LRRC37A2: variants seen among roughly 807,000 people sequenced by gnomAD.
LRRC37A2 encodes leucine-rich repeat-containing protein 37A2.
In LRRC37A2, 9 loss-of-function variants were observed where a neutral mutation model predicts 68.8. The ratio of observed to expected loss-of-function variants is 0.13; its 90% CI spans 0.08 to 0.23. The LOEUF is 0.23. Ranked by LOEUF, LRRC37A2 falls within the 10% of genes least tolerant of loss-of-function variation. The pLI is 1.00. For synonymous variants in LRRC37A2, 63 were observed against 367.6 expected (o/e 0.17, Z 9.48); for missense variants, 168 against 950.4 (o/e 0.18, Z 10.82).
chr17:46,851,740 C>G, the LRRC37A2 span: 1 of 1,231,232 alleles, frequency 8.1e-7, no homozygotes. This position sits in a 1 kb window ranked among gnomAD's most constrained non-coding sequence, Gnocchi z 4.3. Flanking sequence ...CGCCCCCCGC[C>G]CGCTCCCCGG....
chr17:46,568,939 T>TC, the LRRC37A2 span, among the ~76,000 whole-genome samples: 5 of 122,886 alleles, frequency 4.1e-5, no homozygotes, highest in African/African-American at 1.5e-4. Flanking sequence ...ACTTTTTTTT[T>TC]CTCTTTTTTT....
At chr17:46,710,586 A>G in the LRRC37A2 span, among the ~76,000 whole-genome samples, 1 of 152,290 alleles carries the variant, frequency 6.6e-6, no homozygotes, top group East Asian at 1.9e-4. Context: ...ATATTTGTCT[A>G]TTGCGCTGTT....
chr17:46,945,875 C>A, the LRRC37A2 span, among the ~76,000 whole-genome samples: 1 of 152,168 alleles, frequency 6.6e-6, no homozygotes, highest in Non-Finnish European at 1.5e-5. Context: ...AACCCCTGAT[C>A]GCTGCCGGGT....
At chr17:46,743,503 A>G in the LRRC37A2 span, among the ~76,000 whole-genome samples, 1 of 152,210 alleles carries the variant, frequency 6.6e-6, no homozygotes, top group Admixed American at 6.5e-5. Context: ...GATGCTGAGA[A>G]GTTAAATAAT....
the LRRC37A2 span, among the ~76,000 whole-genome samples, chr17:47,011,644 G>A: frequency 1.3e-5 from 2 of 150,784 alleles, no homozygotes; most frequent in African/African-American, 4.9e-5. Flanking sequence ...GGCCTTAAGC[G>A]ATCCTCCCAC....
At chr17:46,894,597 T>C in the LRRC37A2 span, among the ~76,000 whole-genome samples, 2 of 152,164 alleles carry the variant, frequency 1.3e-5, no homozygotes, top group African/African-American at 4.8e-5. Flanking sequence ...CCTGGTGGAA[T>C]GTGGCTGTGG....
the LRRC37A2 span, among the ~76,000 whole-genome samples, chr17:46,938,267 G>A: frequency 7.2e-5 from 11 of 152,170 alleles, no homozygotes; most frequent in African/African-American, 2.2e-4. Context: ...TAATTTTTAT[G>A]TATAATGTGA....
chr17:46,963,530 T>G, the LRRC37A2 span, among the ~76,000 whole-genome samples: 1 of 116,662 alleles, frequency 8.6e-6, no homozygotes, highest in Non-Finnish European at 1.8e-5. Flanking sequence ...GGCGACAGAG[T>G]GAGGCTCGGT....
At chr17:46,655,895 A>G in the LRRC37A2 span, among the ~76,000 whole-genome samples, 3 of 98,154 alleles carry the variant, frequency 3.1e-5, 1 homozygote, top group Non-Finnish European at 5.8e-5. Context: ...TTTTCATGTT[A>G]TCTAGAAATG....
chr17:46,756,300 A>G, the LRRC37A2 span: 1 of 153,174 alleles, frequency 6.5e-6, no homozygotes, highest in East Asian at 1.9e-4. Flanking sequence ...GCTAACACTA[A>G]AAGTCACTGG....
chr17:46,822,803 G>A, the LRRC37A2 span, among the ~76,000 whole-genome samples: 1 of 151,988 alleles, frequency 6.6e-6, no homozygotes, highest in Non-Finnish European at 1.5e-5. Context: ...CTGGGGCACC[G>A]CCAGATCCAC....
At chr17:46,789,854 A>G in the LRRC37A2 span, among the ~76,000 whole-genome samples, 1,599 of 152,236 alleles carry the variant, frequency 0.011, 30 homozygotes, top group African/African-American at 0.037. Flanking sequence ...CTCACGGGGG[A>G]TGCTGCGACC....
the LRRC37A2 span, among the ~76,000 whole-genome samples, chr17:46,900,196 TATATATACACACACACACACAC>T: frequency 3.8e-4 from 40 of 105,524 alleles, no homozygotes; most frequent in African/African-American, 1.4e-3. Context: ...TATATATATA[TATATATACACACACACACACAC>T]ACATATATAT....
At chr17:46,965,984 T>A in the LRRC37A2 span, among the ~76,000 whole-genome samples, 1 of 151,858 alleles carries the variant, frequency 6.6e-6, no homozygotes, top group Non-Finnish European at 1.5e-5. Context: ...AGGGCTGGAG[T>A]ATTTAGCCCA....
chr17:46,781,793 T>A, the LRRC37A2 span, among the ~76,000 whole-genome samples: 1 of 152,218 alleles, frequency 6.6e-6, no homozygotes, highest in Non-Finnish European at 1.5e-5. Context: ...CTAGAGCCCC[T>A]GTGCAGGACG....
At chr17:46,541,669 G>C (rs1471088432) in intron 8 of LRRC37A2, among the ~76,000 whole-genome samples, 2 of 150,676 alleles carry the variant, frequency 1.3e-5, no homozygotes, top group Non-Finnish European at 2.9e-5. Context: ...ACCATGGATG[G>C]GGAATATTTG....
chr17:46,946,577 G>T, the LRRC37A2 span, among the ~76,000 whole-genome samples: 1 of 151,036 alleles, frequency 6.6e-6, no homozygotes, highest in African/African-American at 2.4e-5. Context: ...TAATAATTAT[G>T]AGAGGCCAGG....
At chr17:46,869,603 T>A in the LRRC37A2 span, among the ~76,000 whole-genome samples, 1 of 152,252 alleles carries the variant, frequency 6.6e-6, no homozygotes, top group African/African-American at 2.4e-5. Flanking sequence ...TAGGGAATTC[T>A]GGCACTCTTC....
chr17:46,499,334 A>AC, the LRRC37A2 span, among the ~76,000 whole-genome samples: 1 of 95,758 alleles, frequency 1.0e-5, no homozygotes, highest in Non-Finnish European at 2.1e-5. Context: ...AAAAAAAAAA[A>AC]AGGTGGGGGG....
Sources: allele counts gnomAD v4.1 joint callset (sites outside exome capture counted in the v4.1 genomes callset), GRCh38; gene constraint gnomAD v4.1.1; non-coding constraint Gnocchi (gnomAD v3.1); transcripts MANE v1.5; gene names NCBI Gene and HGNC (gene_info 2026-07-23, HGNC 2026-07-21).